Variants in FYB1 observed in about 807,000 individuals in gnomAD.
FYB1 encodes the protein FYN-binding protein 1.
In FYB1, 41 loss-of-function variants were observed where a neutral mutation model predicts 94.1. The observed-to-expected ratio is 0.44, with a 90% CI of 0.34 to 0.57. FYB1 has a LOEUF of 0.57. Ranked by LOEUF, FYB1 falls within the 20% of genes least tolerant of loss-of-function variation. FYB1 has a pLI of 0.02. For missense variants in FYB1, 1,050 were observed against 976.8 expected (o/e 1.07, Z -1.00); for synonymous variants, 367 against 353.2 (o/e 1.04, Z -0.44).
intron 2 of FYB1, among the ~76,000 whole-genome samples, chr5:39,163,345 G>T (rs896604109): frequency 1.1e-4 from 16 of 151,980 alleles, no homozygotes; most frequent in African/African-American, 3.9e-4. Context: ...CCAACAAAGT[G>T]GAAAGAAAAG....
chr5:39,238,263 G>C (rs867384611), intron 1 of FYB1, among the ~76,000 whole-genome samples: 2 of 149,734 alleles, frequency 1.3e-5, no homozygotes, highest in African/African-American at 4.9e-5. Context: ...TAATATATCT[G>C]TGTGTGTGTG....
chr5:39,194,885 CT>C (rs1204478821), intron 2 of FYB1, among the ~76,000 whole-genome samples: 1 of 152,078 alleles, frequency 6.6e-6, no homozygotes, highest in Non-Finnish European at 1.5e-5. Context: ...TGGACAACTG[CT>C]TTTTCAGGGA....
At chr5:39,221,208 C>A (rs1032360864), upstream of FYB1, among the ~76,000 whole-genome samples, 1 of 152,138 alleles carries the variant, frequency 6.6e-6, no homozygotes, top group Non-Finnish European at 1.5e-5. Flanking sequence ...CATGCTTTCC[C>A]CTCCCAGCTG....
chr5:39,198,903 A>G (rs1166402812), intron 2 of FYB1, among the ~76,000 whole-genome samples: 7 of 152,212 alleles, frequency 4.6e-5, no homozygotes, highest in Admixed American at 1.3e-4. Context: ...GCAAACATAC[A>G]TACAGGGGCA....
chr5:39,154,018 G>A (rs566377270), intron 2 of FYB1, among the ~76,000 whole-genome samples: 4 of 152,168 alleles, frequency 2.6e-5, no homozygotes, highest in East Asian at 1.9e-4. Context: ...ACTCCTGGGC[G>A]CAAGCAATCC....
chr5:39,170,768 C>G (rs1745184213), intron 2 of FYB1, among the ~76,000 whole-genome samples: 1 of 152,140 alleles, frequency 6.6e-6, no homozygotes, highest in South Asian at 2.1e-4. Flanking sequence ...AAACTGTGAC[C>G]TTCTGGATCT....
At chr5:39,114,752 C>G (rs1360642864) in intron 16 of FYB1, among the ~76,000 whole-genome samples, 1 of 152,196 alleles carries the variant, frequency 6.6e-6, no homozygotes, top group Non-Finnish European at 1.5e-5. Flanking sequence ...AGACTTTCAT[C>G]TGGCTATCCA....
intron 2 of FYB1, among the ~76,000 whole-genome samples, chr5:39,198,944 C>T (rs1356295224): frequency 5.3e-5 from 8 of 151,960 alleles, no homozygotes; most frequent in Admixed American, 1.3e-4. Context: ...ATTAAACTTG[C>T]AATCTGAAGA....
intron 2 of FYB1, among the ~76,000 whole-genome samples, chr5:39,174,201 T>C (rs12652455): frequency 0.13 from 20,093 of 152,146 alleles, 2,565 homozygotes; most frequent in East Asian, 0.54. Context: ...TTTTATTTTC[T>C]TTGTAGCTAT....
intron 1 of FYB1, among the ~76,000 whole-genome samples, chr5:39,264,849 A>G (rs1463151144): frequency 2.0e-5 from 3 of 151,878 alleles, no homozygotes; most frequent in Non-Finnish European, 4.4e-5. Context: ...GAGACCAGAC[A>G]CCTCTCTCAA....
At chr5:39,108,502 CTA>C (rs1738741251) in intron 17 of FYB1, among the ~76,000 whole-genome samples, 1 of 152,056 alleles carries the variant, frequency 6.6e-6, no homozygotes, top group Non-Finnish European at 1.5e-5. Context: ...AGAGCATAGA[CTA>C]TGCCTTACTC....
intron 2 of FYB1, among the ~76,000 whole-genome samples, chr5:39,188,966 ACTAG>A (rs1401177742): frequency 6.2e-4 from 94 of 152,328 alleles, no homozygotes; most frequent in Admixed American, 2.6e-3. Flanking sequence ...TTCTTATGCA[ACTAG>A]AAGTTTAAGA....
At chr5:39,237,460 C>A (rs888784961) in intron 1 of FYB1, among the ~76,000 whole-genome samples, 5 of 151,924 alleles carry the variant, frequency 3.3e-5, no homozygotes, top group African/African-American at 1.2e-4. Flanking sequence ...GGGGAACATT[C>A]TAACCTTCAT....
intron 2 of FYB1, among the ~76,000 whole-genome samples, chr5:39,176,951 CAGAGACTGGGGGGTTACAATTTCA>C (rs1220472214): frequency 6.6e-6 from 1 of 152,168 alleles, no homozygotes; most frequent in Admixed American, 6.5e-5. Flanking sequence ...GCCTAATTTC[CAGAGACTGGGGGGTTACAATTTCA>C]ATTAGGCATC....
intron 5 of FYB1, chr5:39,139,003 C>T (rs1322356738): frequency 4.2e-5 from 23 of 547,474 alleles, no homozygotes; most frequent in South Asian, 3.5e-4. Flanking sequence ...ATAAATCAGA[C>T]GTGTAGTCAG....
chr5:39,148,216 C>T (rs1208843363), intron 3 of FYB1, among the ~76,000 whole-genome samples: 1 of 80,850 alleles, frequency 1.2e-5, no homozygotes, highest in African/African-American at 4.8e-5. Flanking sequence ...TATTTGTAGA[C>T]GCAGGGTTTC....
intron 1 of FYB1, among the ~76,000 whole-genome samples, chr5:39,242,062 A>G (rs1751233426): frequency 6.6e-6 from 1 of 151,596 alleles, no homozygotes; most frequent in African/African-American, 2.4e-5. Flanking sequence ...TTAAATCACT[A>G]TTTTTTTTCC....
intron 18 of FYB1, 143 bp downstream of exon 18, chr5:39,108,088 G>T: frequency 1.4e-6 from 1 of 698,798 alleles, no homozygotes; most frequent in Non-Finnish European, 2.3e-6. Flanking sequence ...ATTATGCCAG[G>T]GCATTTACCT....
intron 16 of FYB1, among the ~76,000 whole-genome samples, chr5:39,112,332 A>T (rs1054935101): frequency 2.6e-5 from 4 of 152,038 alleles, no homozygotes; most frequent in African/African-American, 9.7e-5. Context: ...AAATGTTCCC[A>T]TAATATACTC....
Sources: gnomAD v4.1 joint callset for allele counts (sites outside exome capture counted in the v4.1 genomes callset) on GRCh38, gnomAD v4.1.1 for gene constraint, MANE v1.5 for transcripts, NCBI Gene and HGNC (gene_info 2026-07-23, HGNC 2026-07-21) for gene names.